Variants in ISM1 observed in about 807,000 individuals in gnomAD.
ISM1 encodes isthmin-1.
ISM1 carries 25 observed loss-of-function variants against 46.3 expected under a neutral mutation model. That is an observed-to-expected ratio of 0.54 (90% CI 0.39 to 0.75). ISM1 has a LOEUF of 0.75. Ranked by LOEUF, ISM1 falls within the 30% of genes least tolerant of loss-of-function variation. ISM1 has a pLI of 0.00. For synonymous variants in ISM1, 255 were observed against 256.7 expected, an observed-to-expected ratio of 0.99 and a Z score of 0.06; for missense variants, 536 against 625.4, an observed-to-expected ratio of 0.86 and a Z score of 1.52.
chr20:13,279,874 G>T lies in ISM1; in HGVS notation c.619G>T (p.Glu207Ter). The T allele has an allele frequency of 1.2e-6, 2 of 1,613,950 alleles. No individual in the cohort carries two copies. Among genetic ancestry groups the T allele is most frequent in the Non-Finnish European group, 1.7e-6 (2 of 1,179,868 alleles). Residue 207 changes from glutamate to a stop codon, truncating the protein, a stop_gained, in exon 3 of 6, where the codon GAA becomes TAA. Transcript: ENST00000262487. LOFTEE classifies it high-confidence loss of function. ...DHTAPGHRTF[E>*]TKDQPEYDST... is the part of the protein sequence containing the mutation. ...TACAGCCCCAGGCCACCGGACTTTT[G>T]AAACCAAAGATCAGCCAGAATATGG... is the stretch of plus-strand genomic sequence containing the variant.
At chr20:13,269,565 T>G (rs1021376710) in intron 1 of ISM1, among the ~76,000 whole-genome samples, 4 of 152,160 alleles carry the variant, frequency 2.6e-5, no homozygotes, top group Admixed American at 2.6e-4. Flanking sequence ...CCAAGCTCAT[T>G]CCCATCCTGG....
intron 1 of ISM1, among the ~76,000 whole-genome samples, chr20:13,257,905 G>C (rs1181623999): frequency 6.6e-6 from 1 of 152,048 alleles, no homozygotes; most frequent in Non-Finnish European, 1.5e-5. Flanking sequence ...GTTCTAACCA[G>C]CTCCAGGGTA....
At chr20:13,319,768 G>A in the ISM1 span, among the ~76,000 whole-genome samples, 2 of 152,230 alleles carry the variant, frequency 1.3e-5, no homozygotes, top group African/African-American at 4.8e-5. Context: ...GAGGGTGAGA[G>A]AGACGTGGGG....
At chr20:13,286,863 G>A (rs1169886633) in intron 3 of ISM1, among the ~76,000 whole-genome samples, 1 of 152,240 alleles carries the variant, frequency 6.6e-6, no homozygotes, top group Non-Finnish European at 1.5e-5. Context: ...ATGAACAGAG[G>A]GTACTCCCTC....
intron 1 of ISM1, among the ~76,000 whole-genome samples, chr20:13,230,955 G>A (rs1445304887): frequency 6.6e-6 from 1 of 152,132 alleles, no homozygotes; most frequent in Admixed American, 6.6e-5. Context: ...TTTCTCTTGG[G>A]ACTAAGCACT....
chr20:13,242,981 G>A (rs1480004671), intron 1 of ISM1, among the ~76,000 whole-genome samples: 2 of 152,110 alleles, frequency 1.3e-5, no homozygotes, highest in African/African-American at 4.8e-5. Flanking sequence ...AGGCATTATT[G>A]TTATCCTCAT....
chr20:13,267,647 T>C (rs243896), intron 1 of ISM1, among the ~76,000 whole-genome samples: 87,202 of 152,014 alleles, frequency 0.57, 27,446 homozygotes, highest in African/African-American at 0.84. Flanking sequence ...CCAGGAAAAA[T>C]TCAAGAGTCA....
chr20:13,292,365 T>A lies in ISM1; in HGVS notation c.788-9T>A. ...AATGATGGAAAAATGAGCTCTTGTCTGTGTTTAGGAATTGAAGACACTTTT... is the reference window on the plus strand; with the variant it reads ...AATGATGGAAAAATGAGCTCTTGTCAGTGTTTAGGAATTGAAGACACTTTT... On this transcript the variant is annotated splice_polypyrimidine_tract_variant and intron_variant, in intron 4 of 5. Coordinates refer to ENST00000262487, the MANE Select transcript of ISM1 (RefSeq NM_080826.2). 1 of 1,573,870 alleles carries A rather than the reference T, an allele frequency of 6.4e-7. No individual in the cohort carries two copies. The highest frequency in any genetic ancestry group is 8.7e-7 in the Non-Finnish European group (1 of 1,153,396).
At chr20:13,270,474 A>G (rs1275206761) in intron 1 of ISM1, 30 bp from the exon 2 acceptor site, 1 of 1,590,078 alleles carries the variant, frequency 6.3e-7, no homozygotes, top group African/African-American at 1.3e-5. Context: ...GTGTCTCCTT[A>G]ACAGGTGTTT....
chr20:13,278,197 C>T (rs1324808800), intron 2 of ISM1, among the ~76,000 whole-genome samples: 1 of 152,208 alleles, frequency 6.6e-6, no homozygotes, highest in Non-Finnish European at 1.5e-5. Flanking sequence ...AAACAAGTCT[C>T]TCTACGTTGA....
intron 1 of ISM1, among the ~76,000 whole-genome samples, chr20:13,223,763 A>G (rs183993597): frequency 6.6e-6 from 1 of 152,300 alleles, no homozygotes; most frequent in African/African-American, 2.4e-5. Context: ...GCACCCACCA[A>G]TCTAACACTG....
chr20:13,280,902 C>A (rs1034970392), intron 3 of ISM1, among the ~76,000 whole-genome samples: 2 of 152,114 alleles, frequency 1.3e-5, no homozygotes, highest in African/African-American at 4.8e-5. Flanking sequence ...ACAAATGCAC[C>A]CATCGTCATG....
Position 13,221,866 on chromosome 20 carries a change from C to G in ISM1, c.90C>G (p.Ala30=). ...HITVLRGSGA[A]DGPDAAAGNA... ...CCGTGCTGCGCGGCTCGGGAGCCGC[C>G]GACGGGCCCGACGCGGCCGCGGGCA... The change falls in exon 1 of 6, where the codon GCC becomes GCG. Residue 30 remains alanine (A), a synonymous_variant. Coordinates refer to ENST00000262487, the MANE Select transcript of ISM1 (RefSeq NM_080826.2). 7.0e-7 allele frequency: 1 copy of G among 1,418,620 alleles called. No homozygotes were observed. The allele number at this position is 1,418,620 out of a possible 1,614,324, so 87.9% of individuals were successfully genotyped here.
chr20:13,251,260 C>A (rs571804217), intron 1 of ISM1, among the ~76,000 whole-genome samples: 3 of 152,316 alleles, frequency 2.0e-5, no homozygotes, highest in South Asian at 4.1e-4. Context: ...ATCTCACCCC[C>A]CTTCCACAGG....
At chr20:13,273,586 G>T (rs2040140404) in intron 2 of ISM1, among the ~76,000 whole-genome samples, 1 of 152,202 alleles carries the variant, frequency 6.6e-6, no homozygotes, top group African/African-American at 2.4e-5. Flanking sequence ...TAGCGTAAAG[G>T]CTGAAAGGCA....
rs377416231 is a variant in ISM1 at position 13,288,668 on chromosome 20, C to A, written c.772C>A (p.Arg258Ser). The A allele has an allele frequency of 1.2e-6, 2 of 1,613,756 alleles. No individual in the cohort carries two copies. Among genetic ancestry groups the A allele is most frequent in the African/African-American group, 2.7e-5 (2 of 74,938 alleles). ...CTATESRTCD[R>S]PNCPGIEDTF... ...TGCAACAGAATCGAGGACCTGTGAC[C>A]GTCCAAACTGCCCAGGTGCGTTTAC... Residue 258 changes from arginine to serine, a missense_variant, in exon 4 of 6, where the codon CGT (arginine) becomes AGT (serine). Transcript: ENST00000262487.
At chr20:13,258,224 T>C (rs2039949589) in intron 1 of ISM1, among the ~76,000 whole-genome samples, 1 of 152,124 alleles carries the variant, frequency 6.6e-6, no homozygotes, top group Non-Finnish European at 1.5e-5. Context: ...CAGGCTCCCT[T>C]GCTGTCTAGC....
At chr20:13,322,145 C>A in the ISM1 span, among the ~76,000 whole-genome samples, 1 of 152,164 alleles carries the variant, frequency 6.6e-6, no homozygotes, top group Non-Finnish European at 1.5e-5. Context: ...AAGAGATTCT[C>A]CTCCTGAACA....
chr20:13,273,090 A>G (rs1450500435), intron 2 of ISM1, among the ~76,000 whole-genome samples: 1 of 152,170 alleles, frequency 6.6e-6, no homozygotes, highest in Non-Finnish European at 1.5e-5. Context: ...TTCATTGGAA[A>G]GTTATTGGCT....
Sources: gnomAD v4.1 joint callset for allele counts (sites outside exome capture counted in the v4.1 genomes callset) on GRCh38, gnomAD v4.1.1 for gene constraint, MANE v1.5 for transcripts, NCBI Gene and HGNC (gene_info 2026-07-23, HGNC 2026-07-21) for gene names.